VWA3B: variants seen among roughly 807,000 people sequenced by gnomAD.
VWA3B encodes the protein von Willebrand factor A domain-containing protein 3B.
A neutral mutation model predicts 158.3 loss-of-function variants in VWA3B; 138 were observed. The ratio of observed to expected loss-of-function variants is 0.87; its 90% CI spans 0.76 to 1.00. The LOEUF (loss-of-function observed/expected upper bound fraction) is 1.00. VWA3B is among the 50% of genes least tolerant of loss of function. VWA3B has a pLI of 0.00. For missense variants in VWA3B, 1,555 were observed against 1,565.1 expected (o/e 0.99, Z 0.11); for synonymous variants, 596 against 587.3 (o/e 1.01, Z -0.21).
At chr2:98,238,263 G>A (rs771715274) in intron 19 of VWA3B, among the ~76,000 whole-genome samples, 6 of 152,136 alleles carry the variant, frequency 3.9e-5, no homozygotes, top group Non-Finnish European at 7.4e-5. Context: ...TTTGCCTCAA[G>A]GTGAGTGCTC....
intron 2 of VWA3B, among the ~76,000 whole-genome samples, chr2:98,094,609 A>G (rs1298596078): frequency 6.6e-6 from 1 of 151,856 alleles, no homozygotes; most frequent in African/African-American, 2.4e-5. Flanking sequence ...CCTTTTCTGT[A>G]GAGAAACTTT....
intron 10 of VWA3B, 152 bp from the exon 11 acceptor site, chr2:98,192,746 A>G: frequency 1.8e-6 from 2 of 1,089,712 alleles, no homozygotes; most frequent in South Asian, 1.6e-5. Flanking sequence ...TTCTACAGAA[A>G]AACCTCAAAG....
intron 7 of VWA3B, among the ~76,000 whole-genome samples, chr2:98,146,964 G>A (rs545960718): frequency 1.6e-4 from 25 of 152,268 alleles, no homozygotes; most frequent in African/African-American, 5.8e-4. Context: ...TTTGGTCATA[G>A]GGTTATGTGG....
chr2:98,115,628 T>C, intron 2 of VWA3B, 24 bp from the exon 3 acceptor site: 1 of 1,595,334 alleles, frequency 6.3e-7, no homozygotes. Context: ...ACTGTTTTGA[T>C]TGTTTTTCTT....
At chr2:98,101,493 G>T (rs1235505367) in intron 2 of VWA3B, among the ~76,000 whole-genome samples, 1 of 152,162 alleles carries the variant, frequency 6.6e-6, no homozygotes, top group Non-Finnish European at 1.5e-5. Flanking sequence ...CAGTAATTCT[G>T]AATTAGTCAA....
At chr2:98,240,210 T>C (rs1167723832) in intron 19 of VWA3B, among the ~76,000 whole-genome samples, 2 of 152,178 alleles carry the variant, frequency 1.3e-5, no homozygotes, top group Non-Finnish European at 2.9e-5. Flanking sequence ...CAGAGACACA[T>C]AAGAACTTTA....
At chr2:98,256,907 A>T (rs1483049468) in intron 21 of VWA3B, among the ~76,000 whole-genome samples, 1 of 152,186 alleles carries the variant, frequency 6.6e-6, no homozygotes, top group East Asian at 1.9e-4. Context: ...TGTTTAGACT[A>T]TCTATCACCT....
chr2:98,124,856 C>A (rs962495411), intron 5 of VWA3B, among the ~76,000 whole-genome samples: 2 of 152,122 alleles, frequency 1.3e-5, no homozygotes, highest in Non-Finnish European at 2.9e-5. Flanking sequence ...GACTCTTTGG[C>A]GGGGCAGAAT....
chr2:98,296,052 G>C (rs749876909), intron 23 of VWA3B, among the ~76,000 whole-genome samples: 7 of 152,232 alleles, frequency 4.6e-5, no homozygotes, highest in Non-Finnish European at 7.4e-5. Flanking sequence ...AGTCCAAAAA[G>C]TTTAGGTCCA....
chr2:98,305,971 C>A (rs1289881576), intron 26 of VWA3B, among the ~76,000 whole-genome samples: 1 of 152,142 alleles, frequency 6.6e-6, no homozygotes, highest in African/African-American at 2.4e-5. Context: ...GCCTACCTTG[C>A]CTCACTTGTC....
At chr2:98,165,625 G>A (rs1679004110) in intron 8 of VWA3B, among the ~76,000 whole-genome samples, 2 of 152,098 alleles carry the variant, frequency 1.3e-5, no homozygotes, top group Admixed American at 1.3e-4. Flanking sequence ...GAGGGAGAGA[G>A]AGGTTGAGGC....
chr2:98,316,328 C>T (rs1030121794), downstream of VWA3B, among the ~76,000 whole-genome samples: 82 of 152,090 alleles, frequency 5.4e-4, no homozygotes, highest in African/African-American at 1.9e-3. Flanking sequence ...ATATGGTTTC[C>T]ACCCCAAAAT....
chr2:98,108,268 T>C (rs1455718199), intron 2 of VWA3B, among the ~76,000 whole-genome samples: 2 of 152,184 alleles, frequency 1.3e-5, no homozygotes, highest in Non-Finnish European at 2.9e-5. Context: ...TAGGATGTTT[T>C]ATAACCAAAT....
At chr2:98,192,377 G>A (rs1455717939) in intron 10 of VWA3B, 1 of 160,430 alleles carries the variant, frequency 6.2e-6, no homozygotes, top group Non-Finnish European at 1.4e-5. Flanking sequence ...GGTAGATAAA[G>A]GAAAATTACA....
In VWA3B at chr2:98,125,673, C is replaced by CT. The variant is rs1305739380; in HGVS notation, c.703-2557dup. ...CCTCCTTTCTGTTTTTCTTTTCTTTCTTTTTTTTTGAAACCGAGTCTCGCT... is the reference window on the plus strand; with the variant it reads ...CCTCCTTTCTGTTTTTCTTTTCTTTCTTTTTTTTTTGAAACCGAGTCTCGCT... On this transcript the variant is annotated intron_variant, in intron 5 of 27. Coordinates refer to ENST00000477737, the MANE Select transcript of VWA3B (RefSeq NM_144992.5). The surrounding 1 kb of genome is among the most constrained non-coding windows in gnomAD (Gnocchi z 4.1). Among the ~76,000 whole-genome samples, 5 of 151,420 alleles carry CT rather than the reference C, an allele frequency of 3.3e-5. No homozygotes were observed. The highest frequency in any genetic ancestry group is 6.6e-5 in the Admixed American group (1 of 15,188).
chr2:98,118,530 C>T (rs976874065), intron 3 of VWA3B, among the ~76,000 whole-genome samples: 7 of 152,102 alleles, frequency 4.6e-5, no homozygotes, highest in Admixed American at 2.6e-4. Flanking sequence ...TAGCTCACAC[C>T]GGGCCAATCA....
At chr2:98,294,923 T>A (rs374049428) in intron 23 of VWA3B, among the ~76,000 whole-genome samples, 7 of 152,158 alleles carry the variant, frequency 4.6e-5, no homozygotes, top group East Asian at 1.9e-4. Context: ...AAACTGGCTG[T>A]GTAGATTAAA....
At chr2:98,175,487 A>G (rs1280367854) in intron 8 of VWA3B, among the ~76,000 whole-genome samples, 1 of 152,232 alleles carries the variant, frequency 6.6e-6, no homozygotes, top group African/African-American at 2.4e-5. Context: ...GAACAAACCA[A>G]TGAATTTTTA....
chr2:98,163,527 ACT>A (rs1473780935), intron 8 of VWA3B, among the ~76,000 whole-genome samples: 3 of 152,098 alleles, frequency 2.0e-5, no homozygotes, highest in Non-Finnish European at 2.9e-5. Flanking sequence ...ATGGAGAGAG[ACT>A]CTGTCTCAAA....
Sources: allele counts gnomAD v4.1 joint callset (sites outside exome capture counted in the v4.1 genomes callset), GRCh38; gene constraint gnomAD v4.1.1; non-coding constraint Gnocchi (gnomAD v3.1); transcripts MANE v1.5; gene names NCBI Gene and HGNC (gene_info 2026-07-23, HGNC 2026-07-21).